The following WDR27 variants were observed in gnomAD, a reference collection of about 807,000 sequenced individuals.
WDR27 encodes WD repeat domain 27, also known as WD repeat-containing protein 27.
WDR27 carries 100 observed loss-of-function variants against 114.4 expected under a neutral mutation model. The observed-to-expected ratio is 0.87, with a 90% CI of 0.74 to 1.03. The LOEUF is 1.03. Ranked by LOEUF, WDR27 falls within the 50% of genes least tolerant of loss-of-function variation. The pLI, the probability that WDR27 is intolerant of heterozygous loss-of-function variation, is 0.00. For missense variants in WDR27, 1,129 were observed against 1,092.9 expected, an observed-to-expected ratio of 1.03 and a Z score of -0.47; for synonymous variants, 449 against 423.1, an observed-to-expected ratio of 1.06 and a Z score of -0.75.
chr6:169,540,578 C>T (rs1231693797), intron 25 of WDR27, among the ~76,000 whole-genome samples: 2 of 152,046 alleles, frequency 1.3e-5, no homozygotes, highest in East Asian at 1.9e-4. Flanking sequence ...TACAGGCAGA[C>T]GCCACCATGC....
At chr6:169,499,881 C>T in intron 25 of WDR27, among the ~76,000 whole-genome samples, 1 of 152,212 alleles carries the variant, frequency 6.6e-6, no homozygotes, top group African/African-American at 2.4e-5. Flanking sequence ...AGAACCCATG[C>T]ATGTTCAATC....
At chr6:169,527,955 T>C (rs1165948524) in intron 25 of WDR27, among the ~76,000 whole-genome samples, 1 of 152,172 alleles carries the variant, frequency 6.6e-6, no homozygotes, top group Non-Finnish European at 1.5e-5. Flanking sequence ...AAATTTGTCA[T>C]ATGACAAATT....
chr6:169,630,193 G>A (rs1396794964), intron 21 of WDR27, among the ~76,000 whole-genome samples: 1 of 152,152 alleles, frequency 6.6e-6, no homozygotes, highest in African/African-American at 2.4e-5. Flanking sequence ...TGCATTTTGA[G>A]AATAATATAT....
At chr6:169,534,438 A>G (rs1795986080) in intron 25 of WDR27, among the ~76,000 whole-genome samples, 1 of 152,104 alleles carries the variant, frequency 6.6e-6, no homozygotes, top group African/African-American at 2.4e-5. Context: ...TATCTATTGG[A>G]AGAGTTTGTG....
chr6:169,488,736 G>A (rs191724528), intron 25 of WDR27, among the ~76,000 whole-genome samples: 34 of 152,300 alleles, frequency 2.2e-4, no homozygotes, highest in Non-Finnish European at 3.7e-4. Flanking sequence ...GACACAGACA[G>A]CACTGTGACT....
chr6:169,652,869 T>C (rs6459650), intron 13 of WDR27, among the ~76,000 whole-genome samples: 60,685 of 151,890 alleles, frequency 0.4, 14,163 homozygotes, highest in East Asian at 0.93. Context: ...ACATCACATA[T>C]GCTAGTCTGA....
Position 169,672,315 on chromosome 6 carries a change from C to A in WDR27, c.271G>T (p.Ala91Ser), listed in dbSNP as rs1200092713. 1.5e-5 allele frequency: 25 copies of A among 1,613,620 alleles called. No homozygotes were observed. The highest frequency in any genetic ancestry group is 1.9e-5 in the Non-Finnish European group (23 of 1,179,744). The stretch of plus-strand genomic sequence containing the variant: ...CACATTATAACATAATCCAGTGATG[C>A]TGAGCAGATTAGAAGTGGGTTCACT... ...NKVNPLLICS[A>S]SLDYVIMWNL... is the part of the protein sequence containing the mutation. The change falls in exon 3 of 26, where the codon GCA becomes TCA. Residue 91 changes from alanine (A) to serine (S), a missense_variant. Physicochemically the swap from Ala to Ser is moderately conservative, Grantham distance 99. Transcript: ENST00000448612.
intron 25 of WDR27, among the ~76,000 whole-genome samples, chr6:169,458,794 A>AG (rs926214742): frequency 1.3e-5 from 2 of 151,988 alleles, no homozygotes; most frequent in Non-Finnish European, 2.9e-5. Context: ...CTCAAAAAAA[A>AG]AAAAAAGAAA....
chr6:169,639,730 T>C (rs1413008984), intron 17 of WDR27, among the ~76,000 whole-genome samples: 4 of 152,182 alleles, frequency 2.6e-5, no homozygotes, highest in Non-Finnish European at 4.4e-5. Flanking sequence ...ACTCCCAGCC[T>C]AACCCTGGGG....
At chr6:169,564,138 A>C (rs1800083957) in intron 25 of WDR27, among the ~76,000 whole-genome samples, 1 of 152,240 alleles carries the variant, frequency 6.6e-6, no homozygotes, top group Non-Finnish European at 1.5e-5. Flanking sequence ...CCCCTGGCAA[A>C]CCACTAGTGT....
At chr6:169,456,480 G>A (rs1784350208), downstream of WDR27, among the ~76,000 whole-genome samples, 1 of 152,172 alleles carries the variant, frequency 6.6e-6, no homozygotes, top group African/African-American at 2.4e-5. The surrounding 1 kb of genome is among the most constrained non-coding windows in gnomAD (Gnocchi z 4.0). Flanking sequence ...TCCTCACATG[G>A]GGCATCACAG....
chr6:169,634,363 A>G (rs1220478397), intron 20 of WDR27, 65 bp downstream of exon 20: 8 of 1,217,452 alleles, frequency 6.6e-6, no homozygotes, highest in Non-Finnish European at 9.5e-6. Context: ...TGCTCAGCAC[A>G]TGCCTCTGCC....
chr6:169,640,241 C>A (rs962758843), intron 17 of WDR27, among the ~76,000 whole-genome samples: 1 of 152,180 alleles, frequency 6.6e-6, no homozygotes, highest in African/African-American at 2.4e-5. Flanking sequence ...TGGGCCTCAG[C>A]ATGTGAATCA....
downstream of WDR27, among the ~76,000 whole-genome samples, chr6:169,454,763 GA>G (rs1784283678): frequency 6.6e-6 from 1 of 152,030 alleles, no homozygotes; most frequent in Admixed American, 6.5e-5. Flanking sequence ...GCAAGCACCA[GA>G]AGGAATCTTC....
chr6:169,427,634 T>G, the WDR27 span, among the ~76,000 whole-genome samples: 56 of 152,070 alleles, frequency 3.7e-4, no homozygotes, highest in East Asian at 7.7e-4. Flanking sequence ...TTCTGCTGCT[T>G]CTTCTGATCC....
Position 169,638,577 on chromosome 6 carries a change from T to A in WDR27, c.1831A>T (p.Met611Leu). Residue 611 changes from methionine (M) to leucine (L), a missense_variant, in exon 18 of 26, where the codon ATG (methionine) becomes TTG (leucine). Coordinates refer to ENST00000448612, the MANE Select transcript of WDR27 (RefSeq NM_182552.5). ...AGCTCTGCCCCACGAGCCGACCACA[T>A]TCGCAGGGTCCCGTCCCGGGCCGCA... ...LSAARDGTLR[M>L]WSARGAELAL... The A allele has an allele frequency of 4.3e-6, 7 of 1,610,928 alleles. No individual in the cohort carries two copies. Among genetic ancestry groups the A allele is most frequent in the Non-Finnish European group, 5.9e-6 (7 of 1,178,884 alleles).
intron 21 of WDR27, among the ~76,000 whole-genome samples, chr6:169,621,637 TGCATATACATACCCACACATTCATTCAC>T (rs1396773809): frequency 7.0e-6 from 1 of 142,926 alleles, no homozygotes; most frequent in Admixed American, 6.9e-5. Flanking sequence ...TACCCACACA[TGCATATACATACCCACACATTCATTCAC>T]GCATATACAT....
At chr6:169,448,422 G>GTA in the WDR27 span, among the ~76,000 whole-genome samples, 1 of 142,720 alleles carries the variant, frequency 7.0e-6, no homozygotes, top group Non-Finnish European at 1.5e-5. Context: ...GTGTGTGTAT[G>GTA]TATATATATA....
intron 25 of WDR27, among the ~76,000 whole-genome samples, chr6:169,561,815 T>C (rs1156428156): frequency 6.6e-6 from 1 of 152,116 alleles, no homozygotes; most frequent in South Asian, 2.1e-4. Context: ...ATACAGCCTA[T>C]AAGAAATGCA....
Sources: gnomAD v4.1 joint callset for allele counts (sites outside exome capture counted in the v4.1 genomes callset) on GRCh38, gnomAD v4.1.1 for gene constraint, Gnocchi (gnomAD v3.1) non-coding constraint, MANE v1.5 for transcripts, NCBI Gene and HGNC (gene_info 2026-07-23, HGNC 2026-07-21) for gene names.